The following LMO7 variants were observed in gnomAD, a reference collection of about 807,000 sequenced individuals.
LMO7 encodes the protein LIM domain 7.
In LMO7, 120 loss-of-function variants were observed where a neutral mutation model predicts 206.5. That is an observed-to-expected ratio of 0.58 (90% CI 0.50 to 0.68). The LOEUF is 0.68. Ranked by LOEUF, LMO7 falls within the 30% of genes least tolerant of loss-of-function variation. The pLI is 0.00. For synonymous variants in LMO7, 706 were observed against 681.5 expected (o/e 1.04, Z -0.56); for missense variants, 1,959 against 1,957.9 (o/e 1.00, Z -0.01).
intron 4 of LMO7, among the ~76,000 whole-genome samples, chr13:75,788,134 T>A (rs1231853482): frequency 6.6e-6 from 1 of 152,142 alleles, no homozygotes; most frequent in African/African-American, 2.4e-5. Context: ...TTAAAAATGA[T>A]TTTCTCATTA....
chr13:75,813,700 C>T (rs1390966138), intron 11 of LMO7, among the ~76,000 whole-genome samples: 1 of 152,134 alleles, frequency 6.6e-6, no homozygotes, highest in Non-Finnish European at 1.5e-5. Flanking sequence ...GTTGGGGGCA[C>T]CCAGGAGGAG....
chr13:75,621,073 A>C (rs966599785), exon 1 of LMO7: 1 of 152,236 alleles, frequency 6.6e-6, no homozygotes, highest in African/African-American at 2.4e-5. Flanking sequence ...AAATATTCTC[A>C]TGTACATTTT....
intron 29 of LMO7, 127 bp downstream of exon 29, chr13:75,855,495 A>C: frequency 3.8e-6 from 2 of 522,650 alleles, no homozygotes; most frequent in Non-Finnish European, 6.9e-6. Context: ...TCTGTGCTGC[A>C]TTTGAGTCAC....
chr13:75,853,460 T>C (rs1397759272), intron 28 of LMO7, 72 bp downstream of exon 28: 1 of 1,359,868 alleles, frequency 7.4e-7, no homozygotes. Flanking sequence ...CCCCAAATCC[T>C]GTCCAAGTTT....
At chr13:75,774,130 G>A (rs924935611) in intron 4 of LMO7, among the ~76,000 whole-genome samples, 1 of 151,482 alleles carries the variant, frequency 6.6e-6, no homozygotes, top group Non-Finnish European at 1.5e-5. Flanking sequence ...ATTCTATTTT[G>A]TTTACAGCTT....
At chr13:75,640,620 T>C (rs1348818217) in intron 1 of LMO7, among the ~76,000 whole-genome samples, 1 of 152,222 alleles carries the variant, frequency 6.6e-6, no homozygotes, top group Non-Finnish European at 1.5e-5. Context: ...TATATTAGTC[T>C]ATGAGCTAAC....
intron 3 of LMO7, among the ~76,000 whole-genome samples, chr13:75,732,051 C>A (rs2045296784): frequency 6.6e-6 from 1 of 152,024 alleles, no homozygotes; most frequent in South Asian, 2.1e-4. Flanking sequence ...TCTGGCTGCC[C>A]TTAACATTTT....
chr13:75,747,814 C>G (rs956360885), intron 3 of LMO7, among the ~76,000 whole-genome samples: 2 of 152,130 alleles, frequency 1.3e-5, no homozygotes, highest in African/African-American at 4.8e-5. Context: ...ATCAGTTGAT[C>G]CTGAGATGGG....
At chr13:75,660,810 G>A (rs915999403) in intron 1 of LMO7, among the ~76,000 whole-genome samples, 1 of 152,120 alleles carries the variant, frequency 6.6e-6, no homozygotes, top group Admixed American at 6.5e-5. Flanking sequence ...GGTCCCTTGA[G>A]TCTTTGAGGT....
rs560129264 is a variant in LMO7 at position 75,795,919 on chromosome 13, G to A, written c.348+488G>A. Among the ~76,000 whole-genome samples, 9 of 152,208 alleles carry A rather than the reference G, an allele frequency of 5.9e-5. No individual in the cohort carries two copies. In the East Asian group the frequency reaches 7.7e-4, roughly 13 times the overall value. Reference sequence around the variant, plus strand: ...GGGGCAGCAAACCACAATGGCACACGTTTACCTACATAACAAACCTGCACA... The same window carrying A: ...GGGGCAGCAAACCACAATGGCACACATTTACCTACATAACAAACCTGCACA... On this transcript the variant is annotated intron_variant, in intron 5 of 30. Transcript: ENST00000377534.
chr13:75,789,900 T>C (rs933962957), intron 4 of LMO7, among the ~76,000 whole-genome samples: 5 of 152,160 alleles, frequency 3.3e-5, no homozygotes, highest in Non-Finnish European at 7.3e-5. Context: ...ATTTTGGCTG[T>C]GTAGGCACAT....
chr13:75,718,877 G>T (rs1032964095), intron 2 of LMO7, among the ~76,000 whole-genome samples: 2 of 151,824 alleles, frequency 1.3e-5, no homozygotes, highest in Non-Finnish European at 2.9e-5. Context: ...ATGTCACATA[G>T]TTGGACTCAT....
intron 25 of LMO7, among the ~76,000 whole-genome samples, chr13:75,843,249 A>G (rs2059697306): frequency 6.6e-6 from 1 of 152,154 alleles, no homozygotes; most frequent in Non-Finnish European, 1.5e-5. Context: ...GGGCTGTGAG[A>G]ACAACTGGGT....
intron 9 of LMO7, 40 bp from the exon 10 acceptor site, chr13:75,807,440 T>A: frequency 6.3e-7 from 1 of 1,597,670 alleles, no homozygotes; most frequent in Non-Finnish European, 8.5e-7. Flanking sequence ...CTCCCTAAGC[T>A]TAATAAGATT....
At chr13:75,730,163 C>A (rs11839001) in intron 3 of LMO7, among the ~76,000 whole-genome samples, 2,123 of 152,054 alleles carry the variant, frequency 0.014, 45 homozygotes, top group African/African-American at 0.047. Context: ...AGGGAGGATT[C>A]CCTCTTTTTC....
intron 5 of LMO7, among the ~76,000 whole-genome samples, chr13:75,796,103 T>C (rs2053977477): frequency 6.6e-6 from 1 of 152,178 alleles, no homozygotes; most frequent in South Asian, 2.1e-4. Context: ...TAGGAGTAAA[T>C]AGGAAACTAC....
intron 1 of LMO7, among the ~76,000 whole-genome samples, chr13:75,702,462 C>G (rs752549323): frequency 6.6e-6 from 1 of 152,210 alleles, no homozygotes; most frequent in East Asian, 1.9e-4. Context: ...TCTTGGAAGA[C>G]TGCGAGTTGG....
At chr13:75,663,676 C>A (rs926724406) in intron 1 of LMO7, among the ~76,000 whole-genome samples, 4 of 151,870 alleles carry the variant, frequency 2.6e-5, no homozygotes, top group African/African-American at 7.3e-5. Context: ...GTGATCCACC[C>A]GCCTCGGCCT....
At chr13:75,678,432 ATCT>A (rs1428728424) in intron 1 of LMO7, among the ~76,000 whole-genome samples, 2 of 152,208 alleles carry the variant, frequency 1.3e-5, no homozygotes, top group African/African-American at 2.4e-5. Context: ...CTGCACAAAT[ATCT>A]TCTTTTGAGA....
Sources: gnomAD v4.1 joint callset for allele counts (sites outside exome capture counted in the v4.1 genomes callset) on GRCh38, gnomAD v4.1.1 for gene constraint, MANE v1.5 for transcripts, NCBI Gene and HGNC (gene_info 2026-07-23, HGNC 2026-07-21) for gene names.